The following ACBD6 variants were observed in gnomAD, a reference collection of about 807,000 sequenced individuals.
The protein encoded by ACBD6 is acyl-CoA-binding domain-containing protein 6.
ACBD6 carries 28 observed loss-of-function variants against 37.2 expected under a neutral mutation model. The ratio of observed to expected loss-of-function variants is 0.75; its 90% CI spans 0.56 to 1.03. The LOEUF is 1.03. ACBD6 is among the 50% of genes least tolerant of loss of function. ACBD6 has a pLI of 0.00. For missense variants in ACBD6, 340 were observed against 337.4 expected (o/e 1.01, Z -0.06); for synonymous variants, 113 against 126.8 (o/e 0.89, Z 0.73).
intron 6 of ACBD6, among the ~76,000 whole-genome samples, chr1:180,351,935 G>A (rs1049742567): frequency 6.6e-6 from 1 of 152,110 alleles, no homozygotes; most frequent in African/African-American, 2.4e-5. Flanking sequence ...ACAAAATATG[G>A]TATATACATA....
intron 6 of ACBD6, among the ~76,000 whole-genome samples, chr1:180,370,841 C>T (rs940559529): frequency 4.7e-5 from 7 of 149,790 alleles, no homozygotes; most frequent in Non-Finnish European, 1.5e-5. Flanking sequence ...TCCAATTTGC[C>T]ATCAGAGAGG....
intron 6 of ACBD6, among the ~76,000 whole-genome samples, chr1:180,362,686 T>G (rs1652894415): frequency 6.6e-6 from 1 of 152,222 alleles, no homozygotes. Context: ...GATAAAATTC[T>G]GAGTTGTTAG....
downstream of ACBD6, among the ~76,000 whole-genome samples, chr1:180,284,832 T>G (rs997109249): frequency 2.0e-5 from 3 of 152,166 alleles, no homozygotes; most frequent in Admixed American, 2.0e-4. Flanking sequence ...ATGAAAGGCT[T>G]GCATAATTAC....
chr1:180,444,646 T>C (rs1225861791), intron 3 of ACBD6, among the ~76,000 whole-genome samples: 1 of 152,208 alleles, frequency 6.6e-6, no homozygotes, highest in Non-Finnish European at 1.5e-5. Flanking sequence ...ATTTCTTTCA[T>C]AGAGGCTTAG....
chr1:180,502,128 C>CA lies in ACBD6; in HGVS notation c.138dup (p.Glu47Ter), dbSNP rs777652990. The CA allele has an allele frequency of 6.2e-7, 1 of 1,614,024 alleles. No homozygotes were observed. The highest frequency in any genetic ancestry group is 1.1e-5 in the South Asian group (1 of 91,058). On this transcript the variant is annotated frameshift_variant, in exon 1 of 8. Transcript: ENST00000367595. LOFTEE classifies it high-confidence loss of function. ...CCTTGCAGGTGCGCGGCAGCCTTCT[C>CA]AAACAGCTCGGCCAGGCAACTGGTC... is the stretch of plus-strand genomic sequence containing the variant.
chr1:180,327,021 C>G lies in ACBD6; in HGVS notation c.664-12299G>C, dbSNP rs535454931. ...ACGAGCACTCCCTTTGTTGCCCTAG[C>G]TGATGTCTCCCTAGGTCATGTGCTG... On this transcript the variant is annotated intron_variant, in intron 6 of 7. Coordinates refer to ENST00000367595, the MANE Select transcript of ACBD6 (RefSeq NM_032360.4). Among the ~76,000 whole-genome samples the G allele has an allele frequency of 7.2e-4, 109 of 152,266 alleles. 1 individual carries two copies. Among genetic ancestry groups the G allele is most frequent in the Non-Finnish European group, 1.0e-3 (69 of 67,994 alleles).
chr1:180,423,608 AG>A (rs1336517387), intron 4 of ACBD6, among the ~76,000 whole-genome samples: 2 of 151,846 alleles, frequency 1.3e-5, no homozygotes, highest in Non-Finnish European at 2.9e-5. Flanking sequence ...GTATTGACAA[AG>A]AAAAAAATCA....
intron 2 of ACBD6, among the ~76,000 whole-genome samples, chr1:180,493,279 C>CAAAAAAAAAAAAAAAAAAA (rs1349227168): frequency 1.3e-5 from 1 of 76,994 alleles, no homozygotes; most frequent in African/African-American, 5.9e-5. Flanking sequence ...AAAAAAAAAA[C>CAAAAAAAAAAAAAAAAAAA]AACAACAGCA....
intron 7 of ACBD6, among the ~76,000 whole-genome samples, chr1:180,292,101 A>G (rs183432361): frequency 6.6e-6 from 1 of 152,248 alleles, no homozygotes; most frequent in African/African-American, 2.4e-5. Flanking sequence ...AAGTCCTGAA[A>G]CCAGTGTGGG....
chr1:180,310,321 C>A (rs1650537077), intron 7 of ACBD6, among the ~76,000 whole-genome samples: 1 of 152,134 alleles, frequency 6.6e-6, no homozygotes, highest in African/African-American at 2.4e-5. Flanking sequence ...GATTGCGCCA[C>A]TACACTCTAG....
chr1:180,463,232 A>C (rs1650218027), intron 3 of ACBD6, among the ~76,000 whole-genome samples: 1 of 152,222 alleles, frequency 6.6e-6, no homozygotes, highest in East Asian at 1.9e-4. Context: ...TCAGAGCTGA[A>C]CTGAAGGATA....
intron 5 of ACBD6, among the ~76,000 whole-genome samples, chr1:180,402,225 A>G (rs150481005): frequency 1.5e-3 from 233 of 152,268 alleles, no homozygotes; most frequent in African/African-American, 5.4e-3. Flanking sequence ...AAATTACACA[A>G]TGCCTCCTTC....
intron 4 of ACBD6, among the ~76,000 whole-genome samples, chr1:180,418,792 T>C (rs1408017797): frequency 3.3e-5 from 5 of 152,238 alleles, no homozygotes; most frequent in Admixed American, 1.3e-4. Flanking sequence ...ATCTATACTA[T>C]GATCCTCAGG....
At chr1:180,374,154 T>C (rs1202744949) in intron 6 of ACBD6, among the ~76,000 whole-genome samples, 2 of 152,188 alleles carry the variant, frequency 1.3e-5, no homozygotes, top group Non-Finnish European at 2.9e-5. Context: ...TCAAATAATT[T>C]TGTAGAAAAG....
At chr1:180,418,685 C>T (rs749530907) in intron 4 of ACBD6, among the ~76,000 whole-genome samples, 4 of 152,194 alleles carry the variant, frequency 2.6e-5, no homozygotes, top group African/African-American at 4.8e-5. Context: ...TGAAAACCCC[C>T]ACTTCTAATT....
At chr1:180,295,410 A>C (rs566371949) in intron 7 of ACBD6, among the ~76,000 whole-genome samples, 40 of 151,802 alleles carry the variant, frequency 2.6e-4, no homozygotes, top group Non-Finnish European at 4.4e-4. Flanking sequence ...CAAGCATCCC[A>C]CAAGTTTTGA....
chr1:180,338,838 A>G (rs10913970), intron 6 of ACBD6, among the ~76,000 whole-genome samples: 19,532 of 148,782 alleles, frequency 0.13, 2,114 homozygotes, highest in East Asian at 0.36. Context: ...TTATAAGAAA[A>G]AAACAAACAA....
At chr1:180,366,180 G>T (rs1340659003) in intron 6 of ACBD6, among the ~76,000 whole-genome samples, 1 of 152,180 alleles carries the variant, frequency 6.6e-6, no homozygotes, top group Non-Finnish European at 1.5e-5. Flanking sequence ...AAACAAGTTA[G>T]TTCTTTTAAG....
chr1:180,468,974 T>C (rs145054969), intron 3 of ACBD6, among the ~76,000 whole-genome samples: 2 of 152,316 alleles, frequency 1.3e-5, no homozygotes, highest in Non-Finnish European at 2.9e-5. Context: ...GAACACCTGC[T>C]TGCCATCACC....
Sources: allele counts gnomAD v4.1 joint callset (sites outside exome capture counted in the v4.1 genomes callset), GRCh38; gene constraint gnomAD v4.1.1; transcripts MANE v1.5; gene names NCBI Gene and HGNC (gene_info 2026-07-23, HGNC 2026-07-21).